GBE1: variants seen among roughly 807,000 people sequenced by gnomAD.
The protein encoded by GBE1 is 1,4-alpha-glucan branching enzyme 1.
A neutral mutation model predicts 88.8 loss-of-function variants in GBE1; 70 were observed. The ratio of observed to expected loss-of-function variants is 0.79; its 90% CI spans 0.65 to 0.96. The LOEUF (loss-of-function observed/expected upper bound fraction) is 0.96, where lower values mean the gene tolerates loss of function less well. Ranked by LOEUF, GBE1 falls within the 40% of genes least tolerant of loss-of-function variation. The pLI is 0.00. For missense variants in GBE1, 872 were observed against 871.0 expected (o/e 1.00, Z -0.01); for synonymous variants, 284 against 300.1 (o/e 0.95, Z 0.56).
chr3:81,721,803 G>A (rs964033867), intron 1 of GBE1, among the ~76,000 whole-genome samples: 2 of 152,114 alleles, frequency 1.3e-5, no homozygotes, highest in African/African-American at 2.4e-5. Flanking sequence ...ACAATCTGGG[G>A]TGATTTCAAT....
In GBE1 at chr3:81,705,607, C is replaced by A; in HGVS notation, c.150G>T (p.Lys50Asn). Residue 50 changes from lysine (K) to asparagine (N), a missense_variant, in exon 2 of 16, where the codon AAG becomes AAT. Coordinates refer to ENST00000429644, the MANE Select transcript of GBE1 (RefSeq NM_000158.4). ...PYAVDFQRRYKQFSQILKNIG... is the reference protein window; with the variant it reads ...PYAVDFQRRYNQFSQILKNIG... ...TGTTCTTCAAAATTTGGCTAAACTG[C>A]TTATACCTTTGAAGAAGTATGAAAG... 1 of 1,541,202 alleles carries A rather than the reference C, an allele frequency of 6.5e-7. No individual in the cohort carries two copies. Among genetic ancestry groups the A allele is most frequent in the Non-Finnish European group, 8.7e-7 (1 of 1,144,032 alleles).
chr3:81,491,021 T>C (rs964520688), intron 15 of GBE1, among the ~76,000 whole-genome samples: 3 of 152,160 alleles, frequency 2.0e-5, no homozygotes, highest in Admixed American at 6.6e-5. Context: ...CCTCCCTGCC[T>C]ACATCTGGTA....
At chr3:81,591,461 G>C (rs1267563196) in intron 8 of GBE1, among the ~76,000 whole-genome samples, 1 of 152,018 alleles carries the variant, frequency 6.6e-6, no homozygotes, top group East Asian at 1.9e-4. Flanking sequence ...TCATACTAAA[G>C]GGAATTCTAA....
At chr3:81,649,406 T>C (rs1704813250) in intron 4 of GBE1, among the ~76,000 whole-genome samples, 1 of 152,084 alleles carries the variant, frequency 6.6e-6, no homozygotes, top group African/African-American at 2.4e-5. Context: ...GTTAATACAT[T>C]CATGAGATGG....
At chr3:81,614,884 C>A (rs929432504) in intron 7 of GBE1, among the ~76,000 whole-genome samples, 3 of 151,710 alleles carry the variant, frequency 2.0e-5, no homozygotes, top group African/African-American at 7.3e-5. Flanking sequence ...GGAAAATTAG[C>A]TAGGTGTGGT....
At chr3:81,652,270 C>T (rs1439219406) in intron 3 of GBE1, among the ~76,000 whole-genome samples, 2 of 152,236 alleles carry the variant, frequency 1.3e-5, no homozygotes, top group African/African-American at 4.8e-5. Context: ...ATGATACCTA[C>T]TGTGCCATGA....
intron 7 of GBE1, among the ~76,000 whole-genome samples, chr3:81,613,998 G>C (rs1704215553): frequency 1.3e-5 from 2 of 150,652 alleles, no homozygotes; most frequent in South Asian, 4.2e-4. Flanking sequence ...ACAAAGGTAA[G>C]TTGCTTAGTG....
intron 1 of GBE1, among the ~76,000 whole-genome samples, chr3:81,715,329 G>A (rs971386903): frequency 2.0e-5 from 3 of 152,180 alleles, no homozygotes; most frequent in Admixed American, 6.5e-5. Flanking sequence ...GAGACCGCCT[G>A]TTCCAGGAGT....
At position 81,490,134 on chromosome 3, in the gene GBE1, T is replaced by C. The variant is rs1702417594; in HGVS notation, c.*273A>G. The C allele has an allele frequency of 2.7e-6, 1 of 368,300 alleles. No homozygotes were observed. The highest frequency in any genetic ancestry group is 4.8e-6 in the Non-Finnish European group (1 of 207,170). 22.8% of individuals were successfully genotyped at this position (368,300 alleles called of 1,614,324 possible). ...ATTAGCCAGGAAAGCAAAATGTTTTTAACATATTATATATAACACTTCCAT... is the reference window on the plus strand; with the variant it reads ...ATTAGCCAGGAAAGCAAAATGTTTTCAACATATTATATATAACACTTCCAT... On this transcript the variant is annotated 3_prime_UTR_variant, in exon 16 of 16. Transcript: ENST00000429644.
intron 1 of GBE1, among the ~76,000 whole-genome samples, chr3:81,731,081 T>C (rs1267821531): frequency 6.6e-6 from 1 of 152,172 alleles, no homozygotes; most frequent in African/African-American, 2.4e-5. Context: ...AGAAAGGCTG[T>C]ACCATACATC....
chr3:81,652,890 A>T (rs958369026), intron 3 of GBE1, among the ~76,000 whole-genome samples: 6 of 152,158 alleles, frequency 3.9e-5, no homozygotes, highest in African/African-American at 1.4e-4. Flanking sequence ...TACATCCTGC[A>T]TTTGTGTTAT....
At chr3:81,615,013 C>CT (rs1013022735) in intron 7 of GBE1, among the ~76,000 whole-genome samples, 23 of 149,014 alleles carry the variant, frequency 1.5e-4, no homozygotes, top group African/African-American at 5.7e-4. Flanking sequence ...CAGAATGAGA[C>CT]TTTTTTCTCA....
intron 1 of GBE1, among the ~76,000 whole-genome samples, chr3:81,755,874 C>T (rs902852317): frequency 1.3e-5 from 2 of 151,974 alleles, no homozygotes; most frequent in African/African-American, 4.8e-5. Context: ...TATTTATTAC[C>T]ACTGAACTGT....
intron 7 of GBE1, among the ~76,000 whole-genome samples, chr3:81,599,171 A>G (rs1423062205): frequency 1.3e-5 from 2 of 152,220 alleles, no homozygotes; most frequent in African/African-American, 2.4e-5. Context: ...ACTAAAAAAT[A>G]AAATACTTGA....
chr3:81,575,352 C>T (rs879643373), intron 12 of GBE1, among the ~76,000 whole-genome samples: 4 of 151,844 alleles, frequency 2.6e-5, no homozygotes, highest in Admixed American at 2.0e-4. Context: ...TATTTCACAG[C>T]TATAACCAGA....
chr3:81,502,130 T>C (rs914873924), intron 14 of GBE1, among the ~76,000 whole-genome samples: 2 of 152,104 alleles, frequency 1.3e-5, no homozygotes, highest in Admixed American at 6.6e-5. Flanking sequence ...TCATTTTACA[T>C]GCTTTTCCCA....
chr3:81,705,918 G>T (rs2107169507), intron 1 of GBE1, among the ~76,000 whole-genome samples: 1 of 152,186 alleles, frequency 6.6e-6, no homozygotes, highest in South Asian at 2.1e-4. Flanking sequence ...CAACTTCCAT[G>T]TCAAGACAGT....
intron 7 of GBE1, among the ~76,000 whole-genome samples, chr3:81,618,092 G>A (rs944412669): frequency 6.6e-6 from 1 of 151,862 alleles, no homozygotes; most frequent in Admixed American, 6.6e-5. Context: ...GTATTTAGCC[G>A]TACTTTTACT....
chr3:81,494,380 T>C (rs1285777116), intron 15 of GBE1, among the ~76,000 whole-genome samples: 1 of 152,176 alleles, frequency 6.6e-6, no homozygotes, highest in African/African-American at 2.4e-5. Context: ...GTATTGGCTC[T>C]GTAATTCTCA....
Sources: gnomAD v4.1 joint callset for allele counts (sites outside exome capture counted in the v4.1 genomes callset) on GRCh38, gnomAD v4.1.1 for gene constraint, MANE v1.5 for transcripts, NCBI Gene and HGNC (gene_info 2026-07-23, HGNC 2026-07-21) for gene names.